UMPS: variants seen among roughly 807,000 people sequenced by gnomAD.
UMPS encodes uridine monophosphate synthetase, also known as uridine 5'-monophosphate synthase.
A neutral mutation model predicts 38.9 loss-of-function variants in UMPS; 21 were observed. The observed-to-expected ratio is 0.54, with a 90% CI of 0.38 to 0.78. The LOEUF is 0.78. Ranked by LOEUF, UMPS falls within the 30% of genes least tolerant of loss-of-function variation. The probability of loss-of-function intolerance (pLI) is 0.00; values close to 1 mark genes in which losing one functional copy is unlikely to be tolerated. For missense variants in UMPS, 533 were observed against 591.6 expected (o/e 0.90, Z 1.03); for synonymous variants, 208 against 219.3 (o/e 0.95, Z 0.45).
chr3:124,737,809 G>A lies in UMPS; in HGVS notation c.552G>A (p.Glu184=), dbSNP rs1403411705. ...TGTCCAAAATGCTGGAGATTCTCGAGCAGCAGAAAAAAGTTGATGCTGAGA... is the reference window on the plus strand; with the variant it reads ...TGTCCAAAATGCTGGAGATTCTCGAACAGCAGAAAAAAGTTGATGCTGAGA... ...CTLSKMLEIL[E]QQKKVDAETV... The change falls in exon 3 of 6, where the codon GAG becomes GAA. Residue 184 remains glutamate (E), a synonymous_variant. Coordinates refer to ENST00000232607, the MANE Select transcript of UMPS (RefSeq NM_000373.4). 6 of 1,614,078 alleles carry A rather than the reference G, an allele frequency of 3.7e-6. No homozygotes were observed. The highest frequency in any genetic ancestry group is 1.6e-4 in the Middle Eastern group (1 of 6,084).
chr3:124,739,951 T>C, intron 3 of UMPS, 73 bp from the exon 4 acceptor site: 1 of 1,392,056 alleles, frequency 7.2e-7, no homozygotes, highest in South Asian at 1.2e-5. Flanking sequence ...CATATTGTAG[T>C]TGGTTGGTTG....
chr3:124,739,970 G>T, intron 3 of UMPS, 54 bp from the exon 4 acceptor site: 2 of 1,581,430 alleles, frequency 1.3e-6, no homozygotes, highest in Non-Finnish European at 1.7e-6. Flanking sequence ...TGGACAAGAC[G>T]TTAGAGGTTT....
intron 3 of UMPS, among the ~76,000 whole-genome samples, chr3:124,739,405 C>T (rs2063540766): frequency 6.6e-6 from 1 of 152,150 alleles, no homozygotes; most frequent in Non-Finnish European, 1.5e-5. Context: ...AATCTTGACT[C>T]ACTGCAACCT....
Position 124,744,683 on chromosome 3 carries a change from A to G in UMPS, c.*599A>G, listed in dbSNP as rs1011328112. Reference sequence around the variant, plus strand: ...CTCAGTCTCTCAAAGTGCTGGGATTACAGGTGTGAGCCACTGTGCCCAGCC... The same window carrying G: ...CTCAGTCTCTCAAAGTGCTGGGATTGCAGGTGTGAGCCACTGTGCCCAGCC... On this transcript the variant is annotated 3_prime_UTR_variant, in exon 6 of 6. Transcript: ENST00000232607. The G allele has an allele frequency of 1.3e-5, 6 of 454,032 alleles. No homozygotes were observed. Among genetic ancestry groups the G allele is most frequent in the Non-Finnish European group, 2.6e-5 (6 of 226,808 alleles). The allele number at this position is 454,032 out of a possible 1,614,324, so 28.1% of individuals were successfully genotyped here.
chr3:124,731,718 G>A (rs1261327231), intron 1 of UMPS: 2 of 191,662 alleles, frequency 1.0e-5, no homozygotes, highest in Non-Finnish European at 2.2e-5. Flanking sequence ...CCAACATGGT[G>A]AAACCCTGTC....
rs1203914180 is a variant in UMPS, at chr3:124,746,532, T to C, written c.*2448T>C. On this transcript the variant is annotated 3_prime_UTR_variant, in exon 6 of 6. Coordinates refer to ENST00000232607, the MANE Select transcript of UMPS (RefSeq NM_000373.4). ...GCTATACAAGCGCTGTTCTTCAGCATTGAAGTATTTTGGAGGCATTAGATA... is the reference window on the plus strand; with the variant it reads ...GCTATACAAGCGCTGTTCTTCAGCACTGAAGTATTTTGGAGGCATTAGATA... The C allele has an allele frequency of 1.1e-5, 5 of 454,020 alleles. No homozygotes were observed. Among genetic ancestry groups the C allele is most frequent in the Admixed American group, 2.3e-5 (1 of 42,560 alleles). 28.1% of individuals were successfully genotyped at this position (454,020 alleles called of 1,614,324 possible).
Position 124,746,904 on chromosome 3 carries a change from A to T in UMPS, c.*2820A>T. ...TCCAGAATCGTAAAGGGATATGCTC[A>T]GTCTCACAGCCAGCCTGTGGATCTC... On this transcript the variant is annotated 3_prime_UTR_variant, in exon 6 of 6. Coordinates refer to ENST00000232607, the MANE Select transcript of UMPS (RefSeq NM_000373.4). 1 of 453,704 alleles carries T rather than the reference A, an allele frequency of 2.2e-6. No individual in the cohort carries two copies. Among genetic ancestry groups the T allele is most frequent in the Non-Finnish European group, 4.4e-6 (1 of 226,472 alleles). The allele number at this position is 453,704 out of a possible 1,614,324, so 28.1% of individuals were successfully genotyped here.
rs770885120 is a variant in UMPS, at chr3:124,748,404, T to C, written c.*4320T>C. 8.8e-6 allele frequency: 4 copies of C among 453,946 alleles called. No individual in the cohort carries two copies. The highest frequency in any genetic ancestry group is 2.4e-5 in the Admixed American group (1 of 42,536). The allele number at this position is 453,946 out of a possible 1,614,324, so 28.1% of individuals were successfully genotyped here. On this transcript the variant is annotated 3_prime_UTR_variant, in exon 6 of 6. Transcript: ENST00000232607. ...ATCCCTTTGTTTTCCCCATAACCCT[T>C]CCAAAGGAAGGCCGCAATAGAAATA... is the stretch of plus-strand genomic sequence containing the variant.
chr3:124,739,542 C>G lies in UMPS; in HGVS notation c.983-482C>G, dbSNP rs1410505805. Among the ~76,000 whole-genome samples, 3 of 152,120 alleles carry G rather than the reference C, an allele frequency of 2.0e-5. No homozygotes were observed. In the East Asian group the frequency reaches 5.8e-4, roughly 29 times the overall value. ...AGAGATGGAGTTTTGCCATGTTGCC[C>G]AGGCTGGTCTCGAACTCCTAAACTC... is the stretch of plus-strand genomic sequence containing the variant. On this transcript the variant is annotated intron_variant, in intron 3 of 5. Coordinates refer to ENST00000232607, the MANE Select transcript of UMPS (RefSeq NM_000373.4).
intron 5 of UMPS, 28 bp from the exon 6 acceptor site, chr3:124,743,887 G>A (rs2063576203): frequency 1.2e-6 from 2 of 1,606,172 alleles, no homozygotes; most frequent in Non-Finnish European, 1.7e-6. Flanking sequence ...TGTATTATGT[G>A]AAACAACAAT....
rs2063616652 is a variant in UMPS at position 124,748,102 on chromosome 3, ATATAT to A, written c.*4019_*4023del. The A allele has an allele frequency of 3.5e-6, 1 of 287,630 alleles. No homozygotes were observed. Among genetic ancestry groups the A allele is most frequent in the Non-Finnish European group, 6.6e-6 (1 of 151,172 alleles). The allele number at this position is 287,630 out of a possible 1,614,324, so 17.8% of individuals were successfully genotyped here. On this transcript the variant is annotated 3_prime_UTR_variant, in exon 6 of 6. Transcript: ENST00000232607. The stretch of plus-strand genomic sequence containing the variant: ...TTAACAGTTATATATATTAGATATA[ATATAT>A]AATAGTATATATAAATAATACTATA...
chr3:124,742,465 GGAT>G (rs1396939130), intron 5 of UMPS, 199 bp downstream of exon 5: 4 of 599,134 alleles, frequency 6.7e-6, no homozygotes, highest in South Asian at 2.0e-5. Context: ...TGTAAAATGG[GGAT>G]GATAACAGTA....
Position 124,746,315 on chromosome 3 carries a change from G to A in UMPS, c.*2231G>A, listed in dbSNP as rs531076251. ...TGCCCCACACCATCAGAGTTTCTGC[G>A]TTAGCAGATTTGTGGTTTGCCCAGC... On this transcript the variant is annotated 3_prime_UTR_variant, in exon 6 of 6. Transcript: ENST00000232607. 21 of 454,146 alleles carry A rather than the reference G, an allele frequency of 4.6e-5. No homozygotes were observed. Among genetic ancestry groups the A allele is most frequent in the South Asian group, 7.8e-5 (5 of 64,474 alleles). The allele number at this position is 454,146 out of a possible 1,614,324, so 28.1% of individuals were successfully genotyped here.
chr3:124,731,970 T>A (rs1030629875), intron 1 of UMPS, among the ~76,000 whole-genome samples: 6 of 91,150 alleles, frequency 6.6e-5, no homozygotes, highest in Non-Finnish European at 1.1e-4. Flanking sequence ...AATTAAAAAT[T>A]TTTTTTTTTT....
At position 124,744,850 on chromosome 3, in the gene UMPS, T is replaced by C. The variant is rs1388268016; in HGVS notation, c.*766T>C. On this transcript the variant is annotated 3_prime_UTR_variant, in exon 6 of 6. Transcript: ENST00000232607. Reference sequence around the variant, plus strand: ...TTCCCCTCCATCTCTGGCCTAAAAGTGATAGTCCAGGTATCCACATGGGCT... The same window carrying C: ...TTCCCCTCCATCTCTGGCCTAAAAGCGATAGTCCAGGTATCCACATGGGCT... 2.2e-6 allele frequency: 1 copy of C among 454,100 alleles called. No homozygotes were observed. The highest frequency in any genetic ancestry group is 2.0e-5 in the African/African-American group (1 of 50,108). 28.1% of individuals were successfully genotyped at this position (454,100 alleles called of 1,614,324 possible). A position where few individuals can be genotyped will look rare whatever the true frequency, so the allele number is the denominator to read the frequency against.
At position 124,737,941 on chromosome 3, in the gene UMPS, T is replaced by C; in HGVS notation, c.684T>C (p.Gly228=). 1 of 1,614,228 alleles carries C rather than the reference T, an allele frequency of 6.2e-7. No individual in the cohort carries two copies. Among genetic ancestry groups the C allele is most frequent in the Non-Finnish European group, 8.5e-7 (1 of 1,180,036 alleles). The change falls in exon 3 of 6, where the codon GGT becomes GGC. Residue 228 remains glycine (G), a synonymous_variant. Transcript: ENST00000232607. The part of the protein sequence containing the change: ...IKEAPKELSF[G]ARAELPRIHP... ...AAGCACCCAAAGAACTCAGCTTCGG[T>C]GCACGTGCAGAGCTGCCCAGGATCC... is the stretch of plus-strand genomic sequence containing the variant.
rs769445870 is a variant in UMPS at position 124,735,259 on chromosome 3, T to C, written c.310+13T>C. 6.2e-7 allele frequency: 1 copy of C among 1,605,512 alleles called. No individual in the cohort carries two copies. The highest frequency in any genetic ancestry group is 8.5e-7 in the Non-Finnish European group (1 of 1,172,948). On this transcript the variant is annotated intron_variant, in intron 2 of 5. Coordinates refer to ENST00000232607, the MANE Select transcript of UMPS (RefSeq NM_000373.4). The stretch of plus-strand genomic sequence containing the variant: ...ACAAAGGATTATGGTAAAATAAAAG[T>C]AACATAAAGCATGAAGTTAATTAAT...
Position 124,732,098 on chromosome 3 carries a change from C to T in UMPS, c.156+1471C>T, listed in dbSNP as rs151305261. On this transcript the variant is annotated intron_variant, in intron 1 of 5. Coordinates refer to ENST00000232607, the MANE Select transcript of UMPS (RefSeq NM_000373.4). Reference sequence around the variant, plus strand: ...GACTACAAATGCCTGGTGCCACCCCCGGGCTACCTCCTGTTATTTCAATGC... The same window carrying T: ...GACTACAAATGCCTGGTGCCACCCCTGGGCTACCTCCTGTTATTTCAATGC... Among the ~76,000 whole-genome samples the T allele has an allele frequency of 6.6e-5, 10 of 152,256 alleles. No individual in the cohort carries two copies. In the East Asian group the frequency reaches 1.9e-3, roughly 29 times the overall value.
chr3:124,735,507 A>C (rs1180070347), intron 2 of UMPS, among the ~76,000 whole-genome samples: 1 of 151,302 alleles, frequency 6.6e-6, no homozygotes, highest in Non-Finnish European at 1.5e-5. Context: ...TTTTTTTACC[A>C]GCCCTTCCCT....
Sources: allele counts gnomAD v4.1 joint callset (sites outside exome capture counted in the v4.1 genomes callset), GRCh38; gene constraint gnomAD v4.1.1; transcripts MANE v1.5; gene names NCBI Gene and HGNC (gene_info 2026-07-23, HGNC 2026-07-21).